Variants in RSL24D1 observed in about 807,000 individuals in gnomAD.
RSL24D1 encodes the protein probable ribosome biogenesis protein RLP24.
RSL24D1 carries 6 observed loss-of-function variants against 26.2 expected under a neutral mutation model. The ratio of observed to expected loss-of-function variants is 0.23; its 90% confidence interval spans 0.13 to 0.45. RSL24D1 has a LOEUF of 0.45. RSL24D1 is among the 20% of genes least tolerant of loss of function. The pLI is 0.99. For synonymous variants in RSL24D1, 61 were observed against 59.1 expected (o/e 1.03, Z -0.15); for missense variants, 176 against 202.6 (o/e 0.87, Z 0.80).
Position 55,196,841 on chromosome 15 carries a change from T to C in RSL24D1, c.50A>G (p.His17Arg), listed in dbSNP as rs1894365136. The C allele has an allele frequency of 1.9e-6, 3 of 1,614,062 alleles. No homozygotes were observed. Among genetic ancestry groups the C allele is most frequent in the African/African-American group, 1.3e-5 (1 of 74,906 alleles). ...YFCSGPIYPG[H>R]GMMFVRNDCK... Reference sequence around the variant, plus strand: ...ATCGTTGCGGACGAACATCATGCCGTGTCCAGGATAGATGGGCCCCGAACA... The same window carrying C: ...ATCGTTGCGGACGAACATCATGCCGCGTCCAGGATAGATGGGCCCCGAACA... Residue 17 changes from histidine to arginine, a missense_variant, in exon 1 of 6, where the codon CAC becomes CGC. By Grantham distance (29) the His-to-Arg change is conservative. Transcript: ENST00000260443.
intron 1 of RSL24D1, among the ~76,000 whole-genome samples, chr15:55,195,024 CAAAA>C (rs34525957): frequency 2.1e-5 from 1 of 48,296 alleles, no homozygotes; most frequent in East Asian, 6.7e-4. Context: ...GACCCTGTCT[CAAAA>C]AAAAAAAAAA....
intron 2 of RSL24D1, among the ~76,000 whole-genome samples, chr15:55,191,792 T>C (rs1011064492): frequency 3.9e-5 from 6 of 152,240 alleles, no homozygotes; most frequent in African/African-American, 1.4e-4. Flanking sequence ...ATTTCTTTTA[T>C]ATATACACAG....
chr15:55,181,976 T>A lies in RSL24D1; in HGVS notation c.*176A>T. Reference sequence around the variant, plus strand: ...ACATCTATCAGTAAAGATTTAACACTGAGATGCAATCTAACATCCGTAATA... The same window carrying A: ...ACATCTATCAGTAAAGATTTAACACAGAGATGCAATCTAACATCCGTAATA... On this transcript the variant is annotated 3_prime_UTR_variant, in exon 6 of 6. Transcript: ENST00000260443. The A allele has an allele frequency of 1.9e-6, 1 of 537,400 alleles. No individual in the cohort carries two copies. The highest frequency in any genetic ancestry group is 3.3e-6 in the Non-Finnish European group (1 of 299,602). The allele number at this position is 537,400 out of a possible 1,614,324, so 33.3% of individuals were successfully genotyped here.
Position 55,182,177 on chromosome 15 carries a change from T to C in RSL24D1, c.467A>G (p.Asp156Gly), listed in dbSNP as rs1348518536. 1.9e-6 allele frequency: 3 copies of C among 1,608,658 alleles called. No homozygotes were observed. Among genetic ancestry groups the C allele is most frequent in the African/African-American group, 2.7e-5 (2 of 74,786 alleles). The change falls in exon 6 of 6, where the codon GAT becomes GGT. Residue 156 changes from aspartate to glycine, a missense_variant. By Grantham distance (94) the Asp-to-Gly change is moderately conservative. Transcript: ENST00000260443. Reference sequence around the variant, plus strand: ...TTAAGGAGCATCTTCCATGTCCACATCCTCTTGTAACTGCTGTACCATTTT... The same window carrying C: ...TTAAGGAGCATCTTCCATGTCCACACCCTCTTGTAACTGCTGTACCATTTT... ...EEKMVQQLQE[D>G]VDMEDAP
chr15:55,185,298 C>A, intron 4 of RSL24D1, 64 bp downstream of exon 4: 1 of 1,284,654 alleles, frequency 7.8e-7, no homozygotes, highest in Non-Finnish European at 1.1e-6. Context: ...TTAAAAAATA[C>A]TAATGCCTCT....
At chr15:55,190,942 C>G (rs753745750) in intron 3 of RSL24D1, 33 bp downstream of exon 3, 5 of 1,419,876 alleles carry the variant, frequency 3.5e-6, no homozygotes, top group Non-Finnish European at 4.9e-6. Flanking sequence ...ACCAGTCTCT[C>G]CTCAAAATTA....
intron 1 of RSL24D1, among the ~76,000 whole-genome samples, chr15:55,193,352 T>C (rs908195296): frequency 6.6e-6 from 1 of 152,314 alleles, no homozygotes; most frequent in East Asian, 1.9e-4. Flanking sequence ...TCCACCTTCA[T>C]CCTACAAGAT....
At chr15:55,182,702 A>G (rs1051631244) in intron 5 of RSL24D1, among the ~76,000 whole-genome samples, 7 of 152,166 alleles carry the variant, frequency 4.6e-5, no homozygotes, top group African/African-American at 1.2e-4. Context: ...AATTTTGCCT[A>G]TTTTGTTTTA....
At chr15:55,191,473 A>G (rs1196246886) in intron 2 of RSL24D1, among the ~76,000 whole-genome samples, 1 of 142,496 alleles carries the variant, frequency 7.0e-6, no homozygotes, top group Non-Finnish European at 1.6e-5. Flanking sequence ...TAGGAGACAG[A>G]AAAAAAAAAA....
At chr15:55,189,086 G>A (rs918407493) in intron 3 of RSL24D1, among the ~76,000 whole-genome samples, 4 of 151,688 alleles carry the variant, frequency 2.6e-5, no homozygotes, top group Admixed American at 1.3e-4. Flanking sequence ...CCAGCTACTC[G>A]GGAGGCTGAG....
chr15:55,194,977 C>T (rs1255508279), intron 1 of RSL24D1, among the ~76,000 whole-genome samples: 1 of 137,074 alleles, frequency 7.3e-6, no homozygotes. Flanking sequence ...GAGCCATGAT[C>T]ACACATCTGC....
chr15:55,193,634 C>G (rs1894323491), intron 1 of RSL24D1, among the ~76,000 whole-genome samples: 1 of 152,284 alleles, frequency 6.6e-6, no homozygotes, highest in Middle Eastern at 3.4e-3. Flanking sequence ...ACAAACACTT[C>G]AAACTAAATA....
At chr15:55,182,846 C>T (rs1027032742) in intron 5 of RSL24D1, among the ~76,000 whole-genome samples, 3 of 152,092 alleles carry the variant, frequency 2.0e-5, no homozygotes, top group African/African-American at 7.2e-5. Context: ...AAAGACTGTA[C>T]TGGTGTTAGC....
At chr15:55,191,702 G>A (rs1323814359) in intron 2 of RSL24D1, among the ~76,000 whole-genome samples, 1 of 152,050 alleles carries the variant, frequency 6.6e-6, no homozygotes, top group African/African-American at 2.4e-5. Flanking sequence ...AAACAATTTT[G>A]GAAAAGCTAC....
chr15:55,191,378 A>C lies in RSL24D1; in HGVS notation c.196-331T>G, dbSNP rs117987013. Among the ~76,000 whole-genome samples the C allele has an allele frequency of 1.0e-3, 153 of 152,302 alleles. 2 individuals carry two copies. In the East Asian group the frequency reaches 0.028, roughly 28 times the overall value. On this transcript the variant is annotated intron_variant, in intron 2 of 5. Coordinates refer to ENST00000260443, the MANE Select transcript of RSL24D1 (RefSeq NM_016304.3). ...TCCCAGATAAGATTCAAAGCCAGAA[A>C]ACTTTGAATTATGTTGAACCATATG...
intron 1 of RSL24D1, chr15:55,196,568 G>A: frequency 1.7e-6 from 1 of 590,370 alleles, no homozygotes. Context: ...CGCTCCTGAA[G>A]TTCCTCGCTG....
At chr15:55,188,630 A>C (rs927653576) in intron 3 of RSL24D1, among the ~76,000 whole-genome samples, 1 of 152,234 alleles carries the variant, frequency 6.6e-6, no homozygotes, top group African/African-American at 2.4e-5. Flanking sequence ...TGTAGAGAAC[A>C]CTACCATTAC....
At chr15:55,188,552 C>T (rs529961729) in intron 3 of RSL24D1, among the ~76,000 whole-genome samples, 2 of 152,254 alleles carry the variant, frequency 1.3e-5, no homozygotes, top group Admixed American at 6.5e-5. Context: ...CCGTGTGTGA[C>T]GTGTTCATCT....
intron 3 of RSL24D1, 77 bp from the exon 4 acceptor site, chr15:55,185,502 C>A (rs1894215252): frequency 1.1e-6 from 1 of 922,372 alleles, no homozygotes. Flanking sequence ...ACAAACACTT[C>A]TTTATTATTC....
Sources: gnomAD v4.1 joint callset for allele counts (sites outside exome capture counted in the v4.1 genomes callset) on GRCh38, gnomAD v4.1.1 for gene constraint, MANE v1.5 for transcripts, NCBI Gene and HGNC (gene_info 2026-07-23, HGNC 2026-07-21) for gene names.